The following NELL1 variants were observed in gnomAD, a reference collection of about 807,000 sequenced individuals.
NELL1 encodes protein kinase C-binding protein NELL1.
In NELL1, 76 loss-of-function variants were observed where a neutral mutation model predicts 107.4. The ratio of observed to expected loss-of-function variants is 0.71; its 90% CI spans 0.59 to 0.86. The LOEUF is 0.86. Among genes scored for constraint, NELL1 ranks in the 40% least tolerant of loss-of-function variants. The pLI, the probability that NELL1 is intolerant of heterozygous loss-of-function variation, is 0.00. For missense variants in NELL1, 1,024 were observed against 1,005.5 expected, an observed-to-expected ratio of 1.02 and a Z score of -0.25; for synonymous variants, 353 against 341.2, an observed-to-expected ratio of 1.03 and a Z score of -0.38.
In NELL1 at chr11:21,126,425, A is replaced by G. The variant is rs7103420; in HGVS notation, c.1426+12711A>G. Among the ~76,000 whole-genome samples, 1,279 of 152,324 alleles carry G rather than the reference A, an allele frequency of 8.4e-3. 18 individuals are homozygous for G. The highest frequency in any genetic ancestry group is 0.028 in the African/African-American group (1,173 of 41,574). On this transcript the variant is annotated intron_variant, in intron 13 of 19. Coordinates refer to ENST00000357134, the MANE Select transcript of NELL1 (RefSeq NM_006157.5). ...CAGCAAGCAATAGCCATTGTTAGAA[A>G]GAAAGAAATAGCTTGGGCTTGTGAC...
intron 12 of NELL1, among the ~76,000 whole-genome samples, chr11:21,058,528 G>C (rs1343672896): frequency 2.0e-5 from 3 of 152,110 alleles, no homozygotes; most frequent in Non-Finnish European, 4.4e-5. Flanking sequence ...GGGAGACTTT[G>C]TAGCATTTTA....
intron 15 of NELL1, among the ~76,000 whole-genome samples, chr11:21,404,315 T>C (rs530051096): frequency 1.3e-5 from 2 of 152,134 alleles, no homozygotes; most frequent in South Asian, 4.1e-4. Context: ...TGAGTGATTT[T>C]ATTCTTGCTG....
intron 14 of NELL1, among the ~76,000 whole-genome samples, chr11:21,333,386 G>A (rs1024359604): frequency 4.6e-5 from 7 of 151,832 alleles, no homozygotes; most frequent in Non-Finnish European, 1.0e-4. Context: ...TCATCACTAC[G>A]GCCACCATCA....
At chr11:21,491,862 CTT>C (rs1382045341) in intron 15 of NELL1, among the ~76,000 whole-genome samples, 1 of 152,092 alleles carries the variant, frequency 6.6e-6, no homozygotes, top group African/African-American at 2.4e-5. Flanking sequence ...TTTGTATCCT[CTT>C]TTATTTCATT....
chr11:20,856,757 A>G (rs1005146337), intron 4 of NELL1, among the ~76,000 whole-genome samples: 3 of 152,250 alleles, frequency 2.0e-5, no homozygotes, highest in African/African-American at 7.2e-5. Flanking sequence ...CCTCAGAAGC[A>G]TAACACCACG....
intron 15 of NELL1, among the ~76,000 whole-genome samples, chr11:21,486,249 C>G (rs1376710862): frequency 6.6e-6 from 1 of 152,178 alleles, no homozygotes; most frequent in East Asian, 1.9e-4. Context: ...CAGCTGACTG[C>G]TGCCACCACA....
At chr11:21,161,203 A>G (rs1220277741) in intron 13 of NELL1, among the ~76,000 whole-genome samples, 1 of 152,112 alleles carries the variant, frequency 6.6e-6, no homozygotes, top group East Asian at 1.9e-4. Context: ...CATCTGGGCT[A>G]TTATTTATTT....
At chr11:21,530,649 T>C (rs1350855828) in intron 15 of NELL1, among the ~76,000 whole-genome samples, 1 of 152,100 alleles carries the variant, frequency 6.6e-6, no homozygotes, top group African/African-American at 2.4e-5. Flanking sequence ...AACTTTTTTG[T>C]TACCTATTTT....
chr11:20,909,380 G>A (rs895536458), intron 5 of NELL1, among the ~76,000 whole-genome samples: 5 of 152,146 alleles, frequency 3.3e-5, no homozygotes, highest in African/African-American at 1.2e-4. Context: ...CTGATTCAGT[G>A]GACCTAGGTT....
intron 2 of NELL1, among the ~76,000 whole-genome samples, chr11:20,749,191 C>T (rs1856077759): frequency 1.3e-5 from 2 of 152,070 alleles, no homozygotes; most frequent in East Asian, 3.9e-4. Flanking sequence ...TGGAAGAAAG[C>T]AGGGGATGTC....
At chr11:20,958,365 A>T (rs562565181) in intron 11 of NELL1, among the ~76,000 whole-genome samples, 1 of 152,254 alleles carries the variant, frequency 6.6e-6, no homozygotes, top group East Asian at 1.9e-4. Context: ...AAGAGCAACG[A>T]TTGTGCCACC....
chr11:21,500,746 T>C (rs1243257333), intron 15 of NELL1, among the ~76,000 whole-genome samples: 1 of 152,148 alleles, frequency 6.6e-6, no homozygotes, highest in Non-Finnish European at 1.5e-5. Flanking sequence ...TTACAAACCC[T>C]TCGTAAAGTT....
intron 15 of NELL1, among the ~76,000 whole-genome samples, chr11:21,474,854 T>C (rs1248954706): frequency 6.6e-6 from 1 of 152,166 alleles, no homozygotes; most frequent in Admixed American, 6.6e-5. Context: ...ATACTAACTT[T>C]AACTGGTATA....
intron 15 of NELL1, among the ~76,000 whole-genome samples, chr11:21,462,278 A>G (rs1284858637): frequency 1.3e-5 from 2 of 152,146 alleles, no homozygotes; most frequent in African/African-American, 2.4e-5. Flanking sequence ...TTGAAATTTT[A>G]AAATTCTTAT....
intron 15 of NELL1, among the ~76,000 whole-genome samples, chr11:21,448,447 A>G (rs1451378915): frequency 6.6e-6 from 1 of 152,184 alleles, no homozygotes; most frequent in African/African-American, 2.4e-5. Context: ...AGAGTTTCTC[A>G]TTAATAAAAT....
At chr11:20,895,603 T>C (rs544246068) in intron 5 of NELL1, among the ~76,000 whole-genome samples, 1 of 144,826 alleles carries the variant, frequency 6.9e-6, no homozygotes, top group African/African-American at 2.5e-5. Context: ...CCCCTCCAGG[T>C]TTAAGCATTT....
chr11:21,160,249 C>T (rs903586470), intron 13 of NELL1, among the ~76,000 whole-genome samples: 5 of 152,106 alleles, frequency 3.3e-5, no homozygotes, highest in African/African-American at 4.8e-5. Flanking sequence ...TGGGAAACAC[C>T]GAGGTGTCCT....
chr11:21,472,342 G>C (rs1854203641), intron 15 of NELL1, among the ~76,000 whole-genome samples: 1 of 151,922 alleles, frequency 6.6e-6, no homozygotes, highest in Admixed American at 6.6e-5. Context: ...GATGCTGTTT[G>C]CTTGCTTTCT....
At chr11:21,351,371 A>ATCTC (rs1448627448) in intron 14 of NELL1, among the ~76,000 whole-genome samples, 1 of 152,098 alleles carries the variant, frequency 6.6e-6, no homozygotes, top group Non-Finnish European at 1.5e-5. Context: ...CTGGGACTGG[A>ATCTC]GATGGTCATC....
Sources: allele counts gnomAD v4.1 joint callset (sites outside exome capture counted in the v4.1 genomes callset), GRCh38; gene constraint gnomAD v4.1.1; transcripts MANE v1.5; gene names NCBI Gene and HGNC (gene_info 2026-07-23, HGNC 2026-07-21).